The following RIF1 variants were observed in gnomAD, a reference collection of about 807,000 sequenced individuals.
RIF1 encodes the protein replication timing regulatory factor 1, also known as telomere-associated protein RIF1.
RIF1 carries 45 observed loss-of-function variants against 247.1 expected under a neutral mutation model. The ratio of observed to expected loss-of-function variants is 0.18; its 90% CI spans 0.14 to 0.23. The LOEUF (loss-of-function observed/expected upper bound fraction) is 0.23, where lower values mean the gene tolerates loss of function less well. RIF1 is among the 10% of genes least tolerant of loss of function. The probability of loss-of-function intolerance (pLI) is 1.00; values close to 1 mark genes in which losing one functional copy is unlikely to be tolerated. For synonymous variants in RIF1, 1,087 were observed against 978.8 expected (o/e 1.11, Z -2.06); for missense variants, 2,967 against 2,862.5 (o/e 1.04, Z -0.83).
chr2:151,454,843 C>T (rs1694933838), intron 21 of RIF1, 52 bp from the exon 22 acceptor site: 7 of 1,329,780 alleles, frequency 5.3e-6, no homozygotes, highest in Admixed American at 2.5e-5. Flanking sequence ...TGGACAGTGA[C>T]TCCTATTTTC....
At chr2:151,503,437 A>C (rs1267639761) in intron 12 of RIF1, 1 of 1,602,230 alleles carries the variant, frequency 6.2e-7, no homozygotes, top group Admixed American at 1.7e-5. Context: ...TTCTTTGTAC[A>C]TAACCTGTAG....
At chr2:151,433,304 G>A (rs554711777) in intron 10 of RIF1, 76 bp downstream of exon 10, 1 of 1,208,990 alleles carries the variant, frequency 8.3e-7, no homozygotes, top group Admixed American at 2.2e-5. Flanking sequence ...ATGTAATCCT[G>A]TGGTGTTATT....
At chr2:151,496,229 T>C in intron 10 of RIF1, 1 of 1,466,720 alleles carries the variant, frequency 6.8e-7, no homozygotes, top group African/African-American at 1.4e-5. Context: ...ATCATAAAAG[T>C]AGTTTTTAAA....
chr2:151,493,282 G>T (rs1010790983), intron 9 of RIF1: 1 of 1,140,164 alleles, frequency 8.8e-7, no homozygotes, highest in African/African-American at 1.5e-5. Context: ...AATGAGAAAG[G>T]CGTGTTTTTA....
In RIF1 at chr2:151,491,735, G is replaced by A; in HGVS notation, c.*416-3494G>A. On this transcript the variant is annotated intron_variant and NMD_transcript_variant, in intron 9 of 13. Transcript: ENST00000454583. ...GGATGTTGTCTTCTGCTGGATCATA[G>A]TCAAAAACCGAACCAGGATTAGTAC... The A allele has an allele frequency of 6.3e-7, 1 of 1,597,712 alleles. No homozygotes were observed. Among genetic ancestry groups the A allele is most frequent in the Non-Finnish European group, 8.5e-7 (1 of 1,171,650 alleles).
the RIF1 span, chr2:151,518,363 A>T: frequency 6.2e-7 from 1 of 1,612,490 alleles, no homozygotes; most frequent in Non-Finnish European, 8.5e-7. Flanking sequence ...GCTGCTCCAG[A>T]TTATCGGGTA....
At position 151,493,381 on chromosome 2, in the gene RIF1, G is replaced by A; in HGVS notation, c.*416-1848G>A. On this transcript the variant is annotated intron_variant and NMD_transcript_variant, in intron 9 of 13. Coordinates refer to the RIF1 transcript ENST00000454583. The stretch of plus-strand genomic sequence containing the variant: ...GCTAATGTTTTCTTGGTTGCGCTTA[G>A]CTCTCTCCATCTCTGGAGTAACAGG... The A allele has an allele frequency of 6.2e-7, 1 of 1,611,630 alleles. No homozygotes were observed. Among genetic ancestry groups the A allele is most frequent in the South Asian group, 1.1e-5 (1 of 90,446 alleles).
At chr2:151,469,595 TG>T in intron 33 of RIF1, 115 bp from the exon 34 acceptor site, 1 of 727,864 alleles carries the variant, frequency 1.4e-6, no homozygotes, top group Non-Finnish European at 2.0e-6. Flanking sequence ...GTCTTCACTG[TG>T]GGCTAACCTC....
chr2:151,419,248 GT>G (rs752350006), intron 6 of RIF1, among the ~76,000 whole-genome samples: 16 of 151,810 alleles, frequency 1.1e-4, no homozygotes, highest in Admixed American at 4.6e-4. Flanking sequence ...AAATTATAGT[GT>G]AGGAGTAAAC....
rs1488860200 is a variant in RIF1 at position 151,457,853 on chromosome 2, A to G, written c.2745A>G (p.Leu915=). ...AACTTCTTGAACAACTCTCCCCACT[A>G]TTATGCATAATATTTCTGCACAAGA... is the stretch of plus-strand genomic sequence containing the variant. ...DSELLEQLSP[L]LCIIFLHKNK... is the part of the protein sequence containing the mutation. Residue 915 remains leucine, a synonymous_variant, in exon 24 of 36, where the codon CTA becomes CTG. Transcript: ENST00000444746. 1.2e-6 allele frequency: 2 copies of G among 1,613,312 alleles called. No homozygotes were observed. The highest frequency in any genetic ancestry group is 1.3e-5 in the African/African-American group (1 of 74,922).
intron 19 of RIF1, among the ~76,000 whole-genome samples, chr2:151,445,819 G>A (rs940448673): frequency 1.7e-4 from 26 of 152,220 alleles, no homozygotes; most frequent in African/African-American, 5.8e-4. Context: ...GATTACAGGC[G>A]TGAGCCACTG....
Position 151,475,194 on chromosome 2 carries a change from A to G in RIF1, c.*123A>G, listed in dbSNP as rs1230281691. The G allele has an allele frequency of 2.0e-5, 14 of 702,230 alleles. No individual in the cohort carries two copies. The highest frequency in any genetic ancestry group is 3.4e-5 in the Non-Finnish European group (14 of 408,510). The allele number at this position is 702,230 out of a possible 1,614,324, so 43.5% of individuals were successfully genotyped here. The stretch of plus-strand genomic sequence containing the variant: ...TCTTTGCAAAGTTGATAACATTTCA[A>G]ACCCTGAAGGACAGTGACTTATTAT... On this transcript the variant is annotated 3_prime_UTR_variant, in exon 36 of 36. Coordinates refer to ENST00000444746, the MANE Select transcript of RIF1 (RefSeq NM_018151.5).
intron 4 of RIF1, among the ~76,000 whole-genome samples, 166 bp downstream of exon 4, chr2:151,415,085 C>T (rs1686947504): frequency 6.6e-6 from 1 of 151,740 alleles, no homozygotes; most frequent in South Asian, 2.1e-4. Flanking sequence ...TGGTGGCTCA[C>T]GCCTGTAATC....
chr2:151,425,431 A>G (rs957121123), intron 8 of RIF1, among the ~76,000 whole-genome samples: 6 of 152,078 alleles, frequency 3.9e-5, no homozygotes, highest in Non-Finnish European at 8.8e-5. Flanking sequence ...AGTACTTGAC[A>G]TCATATTCAT....
In RIF1 at chr2:151,505,808, A is replaced by G. The variant is rs1039572308; in HGVS notation, c.*862-402A>G. On this transcript the variant is annotated intron_variant and NMD_transcript_variant, in intron 12 of 13. Transcript: ENST00000454583. The stretch of plus-strand genomic sequence containing the variant: ...CTTTGGGGCAGGGATGGGGGCCCCT[A>G]TTTAGACTGCAGCCCTTTCCTGTAT... 2.3e-5 allele frequency: 13 copies of G among 561,180 alleles called. No individual in the cohort carries two copies. In the African/African-American group the frequency reaches 2.4e-4, roughly 11 times the overall value. The allele number at this position is 561,180 out of a possible 1,614,324, so 34.8% of individuals were successfully genotyped here. A position where few individuals can be genotyped will look rare whatever the true frequency, so the allele number is the denominator to read the frequency against.
chr2:151,410,385 A>G, intron 1 of RIF1, 29 bp from the exon 2 acceptor site: 1 of 1,579,712 alleles, frequency 6.3e-7, no homozygotes, highest in African/African-American at 1.4e-5. Flanking sequence ...CGGTCACTGG[A>G]TTTTCTCCTC....
intron 9 of RIF1, among the ~76,000 whole-genome samples, chr2:151,431,587 A>G (rs1318423791): frequency 2.0e-5 from 3 of 152,178 alleles, no homozygotes; most frequent in African/African-American, 7.2e-5. Flanking sequence ...CTCGAGTTAG[A>G]GACCAGCCTG....
intron 30 of RIF1, among the ~76,000 whole-genome samples, chr2:151,467,221 C>T (rs545327003): frequency 6.6e-6 from 1 of 151,816 alleles, no homozygotes; most frequent in South Asian, 2.1e-4. Flanking sequence ...GAGCGAGACT[C>T]TCAAAAAAAG....
the RIF1 span, chr2:151,534,140 G>A: frequency 9.4e-7 from 1 of 1,063,678 alleles, no homozygotes; most frequent in Non-Finnish European, 1.4e-6. Flanking sequence ...CATCCTTGCA[G>A]CAGACGGGAT....
Sources: gnomAD v4.1 joint callset for allele counts (sites outside exome capture counted in the v4.1 genomes callset) on GRCh38, gnomAD v4.1.1 for gene constraint, MANE v1.5 for transcripts, NCBI Gene and HGNC (gene_info 2026-07-23, HGNC 2026-07-21) for gene names.